The following PRSS53 variants were observed in gnomAD, a reference collection of about 807,000 sequenced individuals.
The protein encoded by PRSS53 is EDTP308.
PRSS53 carries 54 observed loss-of-function variants against 62.7 expected under a neutral mutation model. The ratio of observed to expected loss-of-function variants is 0.86; its 90% confidence interval spans 0.69 to 1.08. The LOEUF is 1.08. Ranked by LOEUF, PRSS53 falls within the 50% of genes least tolerant of loss-of-function variation. The pLI, the probability that PRSS53 is intolerant of heterozygous loss-of-function variation, is 0.00. For missense variants in PRSS53, 688 were observed against 728.3 expected, an observed-to-expected ratio of 0.94 and a Z score of 0.64; for synonymous variants, 273 against 300.0, an observed-to-expected ratio of 0.91 and a Z score of 0.93.
intron 1 of PRSS53, chr16:31,088,385 TGAGCCAGGCTGCCCAGAG>T (rs2057256567): frequency 8.7e-7 from 1 of 1,153,278 alleles, no homozygotes; most frequent in African/African-American, 1.6e-5. Flanking sequence ...ATGAGACAGC[TGAGCCAGGCTGCCCAGAG>T]GATGGATGAA....
In PRSS53 at chr16:31,084,844, A is replaced by T; in HGVS notation, c.1215T>A (p.Tyr405Ter). The change falls in exon 8 of 11, where the codon TAT becomes TAA. Residue 405 changes from tyrosine to a stop codon, truncating the protein, a stop_gained. Transcript: ENST00000280606. LOFTEE classifies it high-confidence loss of function. ...CCCCATCAGGCAGGTGGTGGTCAGG[A>T]TAGGGCAGGCAGAGGGGCCGCAGGC... is the stretch of plus-strand genomic sequence containing the variant. The T allele has an allele frequency of 6.4e-7, 1 of 1,551,650 alleles. No homozygotes were observed. The highest frequency in any genetic ancestry group is 8.7e-7 in the Non-Finnish European group (1 of 1,147,248).
chr16:31,084,062 GGA>G, intron 10 of PRSS53, 55 bp downstream of exon 10: 17 of 1,535,268 alleles, frequency 1.1e-5, no homozygotes, highest in Non-Finnish European at 1.4e-5. Context: ...CGTTCTCACT[GGA>G]GAGAGAAGGG....
At chr16:31,088,440 G>T (rs2057256953) in intron 1 of PRSS53, 1 of 1,266,660 alleles carries the variant, frequency 7.9e-7, no homozygotes, top group South Asian at 1.9e-5. Context: ...GGCCAGAGGA[G>T]CCCAGAGTTT....
intron 10 of PRSS53, 136 bp downstream of exon 10, chr16:31,083,983 A>C: frequency 6.7e-7 from 1 of 1,499,302 alleles, no homozygotes; most frequent in Non-Finnish European, 8.9e-7. Flanking sequence ...AAAGAACCAG[A>C]ATCTGAATCA....
intron 3 of PRSS53, 72 bp from the exon 4 acceptor site, chr16:31,086,970 G>A: frequency 7.5e-6 from 11 of 1,464,762 alleles, no homozygotes; most frequent in Non-Finnish European, 1.0e-5. Flanking sequence ...AGACCCCACA[G>A]GTAGGTGGAA....
At chr16:31,086,011 G>A in exon 6 of PRSS53, 4 of 1,614,060 alleles carry the variant, frequency 2.5e-6, no homozygotes, top group Non-Finnish European at 3.4e-6. Context: ...TGGGCTCTGG[G>A]CCAGGAAAGC....
At position 31,088,685 on chromosome 16, in the gene PRSS53, G is replaced by A. The variant is rs548934326; in HGVS notation, c.58+67C>T. On this transcript the variant is annotated intron_variant, in intron 1 of 10. Transcript: ENST00000280606. ...GTCCCCCCACCAAGAAGCAGGGACT[G>A]CTGGGGCAGAGATGGCCCCTGAGCC... The A allele has an allele frequency of 1.1e-4, 172 of 1,606,410 alleles. 6 individuals carry two copies. The South Asian group carries it at 1.9e-3, about 18-fold the overall frequency.
At chr16:31,087,757 C>T (rs753737195) in intron 2 of PRSS53, 49 bp downstream of exon 2, 3 of 1,614,156 alleles carry the variant, frequency 1.9e-6, no homozygotes, top group South Asian at 1.1e-5. Flanking sequence ...TCACCCCAGT[C>T]CCAACCCAGA....
chr16:31,087,145 G>A (rs2057243385), intron 3 of PRSS53: 2 of 540,176 alleles, frequency 3.7e-6, no homozygotes, highest in South Asian at 5.2e-5. Flanking sequence ...CTACAGGCGT[G>A]CACCACCATG....
In PRSS53 at chr16:31,086,319, C is replaced by G; in HGVS notation, c.663+18G>C. On this transcript the variant is annotated intron_variant, in intron 5 of 10. Coordinates refer to ENST00000280606, the Ensembl canonical transcript of PRSS53. ...TTAGGCCCCTCCCCTTCTGCTCCTT[C>G]TCTTCTCCCTATCAGACCTGACAGG... The G allele has an allele frequency of 7.5e-6, 12 of 1,600,664 alleles. No individual in the cohort carries two copies. Among genetic ancestry groups the G allele is most frequent in the Non-Finnish European group, 9.4e-6 (11 of 1,171,768 alleles).
intron 1 of PRSS53, 124 bp downstream of exon 1, chr16:31,088,628 C>T (rs950968008): frequency 8.4e-6 from 13 of 1,544,862 alleles, no homozygotes; most frequent in Non-Finnish European, 3.5e-6. Context: ...TACGGAGTTA[C>T]ATCCCCACTG....
chr16:31,085,346 T>C, intron 6 of PRSS53, 86 bp from the exon 7 acceptor site: 2 of 1,414,276 alleles, frequency 1.4e-6, no homozygotes, highest in Non-Finnish European at 1.9e-6. Flanking sequence ...TGAAATTGAA[T>C]TTTGTTCCCC....
chr16:31,083,698 T>A, exon 11 of PRSS53: 1 of 1,607,178 alleles, frequency 6.2e-7, no homozygotes, highest in Non-Finnish European at 8.5e-7. Context: ...CCCTGGTGCC[T>A]GGAATCACAC....
At position 31,084,222 on chromosome 16, in the gene PRSS53, C is replaced by T. The variant is rs550113130; in HGVS notation, c.1539G>A (p.Ala513=). 1.5e-5 allele frequency: 24 copies of T among 1,611,440 alleles called. No homozygotes were observed. The African/African-American group carries it at 2.0e-4, about 13-fold the overall frequency. Residue 513 remains alanine, a synonymous_variant, in exon 10 of 11, where the codon GCG becomes GCA. Transcript: ENST00000280606. ...TGACCCAGTCCTCATAGGCAGGGAG[C>T]GCGGTGAAGACCGCCGGCCTGGCGG...
intron 6 of PRSS53, among the ~76,000 whole-genome samples, chr16:31,085,688 A>G (rs1596787709): frequency 6.6e-6 from 1 of 152,076 alleles, no homozygotes; most frequent in South Asian, 2.1e-4. Flanking sequence ...TGGGAGCCCT[A>G]CCCTGTGCAG....
chr16:31,086,717 G>T (rs1338309206), exon 4 of PRSS53: 1 of 1,583,472 alleles, frequency 6.3e-7, no homozygotes, highest in East Asian at 2.2e-5. Flanking sequence ...AGGCAGAGGG[G>T]TGTGTGGGTC....
At chr16:31,085,853 AG>A (rs2057226578) in intron 6 of PRSS53, 110 bp downstream of exon 6, 3 of 966,896 alleles carry the variant, frequency 3.1e-6, no homozygotes, top group South Asian at 3.0e-5. Flanking sequence ...AGGGGGTGAA[AG>A]AGCCCCCTAA....
chr16:31,087,908 C>T (rs2057251654), intron 1 of PRSS53, 82 bp from the exon 2 acceptor site: 14 of 1,583,444 alleles, frequency 8.8e-6, no homozygotes, highest in South Asian at 4.6e-5. Flanking sequence ...GGCTGGGGGG[C>T]GGGCCCAGGG....
intron 4 of PRSS53, 46 bp downstream of exon 4, chr16:31,086,587 G>A: frequency 6.5e-7 from 1 of 1,548,188 alleles, no homozygotes; most frequent in Non-Finnish European, 8.7e-7. Flanking sequence ...TGTGACGCTG[G>A]GCAAGCAGAG....
Sources: allele counts gnomAD v4.1 joint callset (sites outside exome capture counted in the v4.1 genomes callset), GRCh38; gene constraint gnomAD v4.1.1; transcripts MANE v1.5; gene names NCBI Gene and HGNC (gene_info 2026-07-23, HGNC 2026-07-21).